The following KCNT2 variants were observed in gnomAD, a reference collection of about 807,000 sequenced individuals.
The protein encoded by KCNT2 is potassium sodium-activated channel subfamily T member 2, also known as potassium channel subfamily T member 2.
KCNT2 carries 67 observed loss-of-function variants against 153.8 expected under a neutral mutation model. The ratio of observed to expected loss-of-function variants is 0.44; its 90% confidence interval spans 0.36 to 0.53. The LOEUF (loss-of-function observed/expected upper bound fraction) is 0.53, where lower values mean the gene tolerates loss of function less well. KCNT2 is among the 20% of genes least tolerant of loss of function. The pLI is 0.00. For synonymous variants in KCNT2, 500 were observed against 458.8 expected (o/e 1.09, Z -1.15); for missense variants, 975 against 1,354.8 (o/e 0.72, Z 4.40).
At chr1:196,271,157 T>C (rs1658027581) in intron 25 of KCNT2, among the ~76,000 whole-genome samples, 1 of 152,008 alleles carries the variant, frequency 6.6e-6, no homozygotes, top group Admixed American at 6.6e-5. Context: ...AATGCTTTAA[T>C]TAAAGAAAAG....
intron 24 of KCNT2, 23 bp from the exon 25 acceptor site, chr1:196,281,011 A>G (rs1238915533): frequency 3.2e-6 from 5 of 1,577,220 alleles, no homozygotes; most frequent in Non-Finnish European, 4.3e-6. Flanking sequence ...CAAATTATTT[A>G]CATATTAAAT....
At chr1:196,492,039 A>C (rs569788756) in intron 2 of KCNT2, among the ~76,000 whole-genome samples, 1 of 152,184 alleles carries the variant, frequency 6.6e-6, no homozygotes, top group East Asian at 1.9e-4. Flanking sequence ...GGAGAATTGA[A>C]GATGTTCAAG....
chr1:196,433,375 T>C (rs79137217), intron 8 of KCNT2, among the ~76,000 whole-genome samples: 5,984 of 152,122 alleles, frequency 0.039, 178 homozygotes, highest in Non-Finnish European at 0.059. Flanking sequence ...AGAAGTCAGA[T>C]ATAAAAGACC....
chr1:196,548,996 G>A (rs1028447802), intron 1 of KCNT2, among the ~76,000 whole-genome samples: 9 of 151,638 alleles, frequency 5.9e-5, no homozygotes, highest in African/African-American at 2.2e-4. Context: ...CACACTCTGG[G>A]GACTGTTGTG....
chr1:196,414,630 T>C (rs1233587297), intron 12 of KCNT2, among the ~76,000 whole-genome samples: 1 of 151,924 alleles, frequency 6.6e-6, no homozygotes, highest in Admixed American at 6.6e-5. Context: ...TGCCTGCTTA[T>C]TCTCACTACT....
intron 1 of KCNT2, among the ~76,000 whole-genome samples, chr1:196,591,740 A>T (rs1663388167): frequency 6.6e-6 from 1 of 152,188 alleles, no homozygotes; most frequent in South Asian, 2.1e-4. Flanking sequence ...CTTCTTATGC[A>T]TTATCCCACA....
At chr1:196,262,877 C>A (rs1657157663) in intron 25 of KCNT2, among the ~76,000 whole-genome samples, 1 of 151,954 alleles carries the variant, frequency 6.6e-6, no homozygotes, top group Non-Finnish European at 1.5e-5. Flanking sequence ...TATTTTATGA[C>A]CTTAAGCAAA....
chr1:196,490,456 T>C (rs1044647555), intron 2 of KCNT2, among the ~76,000 whole-genome samples: 22 of 147,872 alleles, frequency 1.5e-4, no homozygotes, highest in African/African-American at 4.9e-4. Context: ...ATTCCAATTA[T>C]ATAATTATAT....
At chr1:196,536,981 T>C (rs1368600570) in intron 1 of KCNT2, among the ~76,000 whole-genome samples, 1 of 152,204 alleles carries the variant, frequency 6.6e-6, no homozygotes, top group East Asian at 1.9e-4. Context: ...TTTCCATAGT[T>C]GGGACCAATA....
chr1:196,355,559 G>A (rs1410413978), intron 14 of KCNT2, among the ~76,000 whole-genome samples: 2 of 151,724 alleles, frequency 1.3e-5, no homozygotes, highest in Non-Finnish European at 2.9e-5. Context: ...AGGTGCCAAA[G>A]TTAGATTTTA....
chr1:196,478,799 C>T (rs1678758435), intron 5 of KCNT2, among the ~76,000 whole-genome samples: 1 of 152,086 alleles, frequency 6.6e-6, no homozygotes, highest in South Asian at 2.1e-4. Flanking sequence ...GTTAGCCAAA[C>T]AAAGCTTTAT....
chr1:196,305,611 T>G (rs889480681), intron 21 of KCNT2, among the ~76,000 whole-genome samples: 1 of 152,144 alleles, frequency 6.6e-6, no homozygotes, highest in African/African-American at 2.4e-5. Flanking sequence ...TTTACAATTA[T>G]GGAACAACAT....
chr1:196,501,060 G>A (rs1680658723), intron 1 of KCNT2, among the ~76,000 whole-genome samples: 1 of 152,120 alleles, frequency 6.6e-6, no homozygotes, highest in African/African-American at 2.4e-5. Context: ...AACAGATGTT[G>A]GAAAGTTTGC....
chr1:196,363,995 A>T (rs915020663), intron 14 of KCNT2, among the ~76,000 whole-genome samples: 4 of 152,164 alleles, frequency 2.6e-5, no homozygotes, highest in Admixed American at 2.0e-4. Flanking sequence ...AATCTCATCC[A>T]CAAGAACTGT....
intron 13 of KCNT2, among the ~76,000 whole-genome samples, chr1:196,390,638 C>T (rs992485855): frequency 6.6e-6 from 1 of 151,102 alleles, no homozygotes; most frequent in Non-Finnish European, 1.5e-5. Context: ...TTTTTTTAAT[C>T]TAGTTAAAAT....
rs1663898099 is a variant in KCNT2, at chr1:196,326,730, G to C, written c.2263C>G (p.Leu755Val). Residue 755 changes from leucine to valine, a missense_variant, in exon 19 of 28, where the codon CTA becomes GTA. Around this residue, in one of 6 missense-constraint regions of KCNT2, gnomAD observed 325 missense variants for 388.1 expected, o/e 0.84. Transcript: ENST00000294725. Reference sequence around the variant, plus strand: ...AAATATACTTACGGGTTATCCAATAGCAGTACTATGGGATTAAGTTCTTTC... The same window carrying C: ...AAATATACTTACGGGTTATCCAATACCAGTACTATGGGATTAAGTTCTTTC... ...PKKELNPIVL[L>V]LDNPPDMHFL... 6.6e-7 allele frequency: 1 copy of C among 1,524,224 alleles called. No individual in the cohort carries two copies. The highest frequency in any genetic ancestry group is 8.8e-7 in the Non-Finnish European group (1 of 1,142,352). The allele number at this position is 1,524,224 out of a possible 1,614,324, so 94.4% of individuals were successfully genotyped here.
At chr1:196,592,527 ACTTT>A in intron 1 of KCNT2, among the ~76,000 whole-genome samples, 1 of 146,100 alleles carries the variant, frequency 6.8e-6, no homozygotes, top group African/African-American at 2.5e-5. Context: ...TTAATATATA[ACTTT>A]CTAACTATAT....
chr1:196,258,317 C>T lies in KCNT2; in HGVS notation c.3088G>A (p.Gly1030Ser), dbSNP rs748909802. ...RLSRKGPKHSGKTAEKITQQR... is the reference protein window; with the variant it reads ...RLSRKGPKHSSKTAEKITQQR... ...TGGGTTATTTTTTCAGCTGTTTTACCAGAGTGTTTTGGGCCTTTTCTGCTC... is the reference window on the plus strand; with the variant it reads ...TGGGTTATTTTTTCAGCTGTTTTACTAGAGTGTTTTGGGCCTTTTCTGCTC... Residue 1030 changes from glycine to serine, a missense_variant, in exon 26 of 28, where the codon GGT becomes AGT. Coordinates refer to ENST00000294725, the MANE Select transcript of KCNT2 (RefSeq NM_198503.5). 9.3e-6 allele frequency: 15 copies of T among 1,613,762 alleles called. No homozygotes were observed. The Admixed American group carries it at 2.0e-4, about 22-fold the overall frequency.
intron 13 of KCNT2, among the ~76,000 whole-genome samples, chr1:196,382,082 AATTTATTTATTT>A (rs547804260): frequency 7.0e-6 from 1 of 143,188 alleles, no homozygotes; most frequent in African/African-American, 2.6e-5. Context: ...TGTTTAACCA[AATTTATTTATTT>A]ATTTATTTAT....
Sources: allele counts gnomAD v4.1 joint callset (sites outside exome capture counted in the v4.1 genomes callset), GRCh38; gene constraint gnomAD v4.1.1; regional missense constraint gnomAD v4.1.1; transcripts MANE v1.5; gene names NCBI Gene and HGNC (gene_info 2026-07-23, HGNC 2026-07-21).